The following SDHAF3 variants were observed in gnomAD, a reference collection of about 807,000 sequenced individuals.
The protein encoded by SDHAF3 is succinate dehydrogenase assembly factor 3, mitochondrial.
Under a neutral mutation model 11.5 loss-of-function variants are expected in SDHAF3, and 18 were observed. That is an observed-to-expected ratio of 1.56 (90% CI 1.08 to 2.32). SDHAF3 has a LOEUF of 2.32. Ranked by LOEUF, SDHAF3 falls within the 30% of genes most tolerant of loss-of-function variation. The pLI is 0.00. For missense variants in SDHAF3, 200 were observed against 154.4 expected, an observed-to-expected ratio of 1.30 and a Z score of -1.57; for synonymous variants, 72 against 59.3, an observed-to-expected ratio of 1.21 and a Z score of -0.99.
chr7:97,118,812 T>C (rs893253960), intron 1 of SDHAF3, among the ~76,000 whole-genome samples: 1 of 152,108 alleles, frequency 6.6e-6, no homozygotes, highest in Non-Finnish European at 1.5e-5. Context: ...ATGGTTAGGG[T>C]GAACACAAAC....
chr7:97,146,955 A>G (rs1383682796), intron 1 of SDHAF3, among the ~76,000 whole-genome samples: 2 of 151,948 alleles, frequency 1.3e-5, no homozygotes, highest in South Asian at 2.1e-4. Flanking sequence ...GTTAGCCAGG[A>G]TAGTCTTGAT....
chr7:97,163,089 G>C (rs986302846), intron 1 of SDHAF3, among the ~76,000 whole-genome samples: 1 of 151,028 alleles, frequency 6.6e-6, no homozygotes, highest in Non-Finnish European at 1.5e-5. Context: ...ATTTAAGATA[G>C]CTCTTCTTGC....
intron 1 of SDHAF3, among the ~76,000 whole-genome samples, chr7:97,174,394 G>A (rs192426235): frequency 1.3e-5 from 2 of 152,254 alleles, no homozygotes; most frequent in East Asian, 3.9e-4. Context: ...CTACAGTACT[G>A]TTATAGAAAC....
intron 1 of SDHAF3, among the ~76,000 whole-genome samples, chr7:97,152,904 C>A (rs1791367745): frequency 6.6e-6 from 1 of 152,094 alleles, no homozygotes; most frequent in Non-Finnish European, 1.5e-5. Context: ...GGTCTCCCGC[C>A]ATGCCCGCCA....
rs571386016 is a variant in SDHAF3, at chr7:97,123,592, A to G, written c.174+5695A>G. On this transcript the variant is annotated intron_variant, in intron 1 of 1. Transcript: ENST00000432641. ...CCACACTGTCTTCCACAATGGTTGA[A>G]GTAATTTACACTCCCACCAACAGTG... 3.9e-5 allele frequency among the ~76,000 whole-genome samples: 6 copies of G among 152,316 alleles called. No homozygotes were observed. The South Asian group carries it at 1.2e-3, about 32-fold the overall frequency.
intron 1 of SDHAF3, among the ~76,000 whole-genome samples, chr7:97,126,920 A>G (rs1028607165): frequency 6.6e-6 from 1 of 150,966 alleles, no homozygotes. Context: ...CTTGAAACCC[A>G]GGGCCTTGGT....
At chr7:97,164,147 T>C (rs1374587939) in intron 1 of SDHAF3, among the ~76,000 whole-genome samples, 1 of 151,486 alleles carries the variant, frequency 6.6e-6, no homozygotes, top group Non-Finnish European at 1.5e-5. Flanking sequence ...GGTTTCACCA[T>C]GTTGGCCAAG....
chr7:97,169,813 A>G (rs1017959335), intron 1 of SDHAF3, among the ~76,000 whole-genome samples: 11 of 152,050 alleles, frequency 7.2e-5, no homozygotes, highest in African/African-American at 9.7e-5. Flanking sequence ...TTTTTGTTCT[A>G]TTTTCTTAAC....
chr7:97,127,962 A>G (rs572467678), intron 1 of SDHAF3, among the ~76,000 whole-genome samples: 1 of 133,368 alleles, frequency 7.5e-6, no homozygotes, highest in Admixed American at 9.1e-5. Context: ...GTGCAGTGGC[A>G]CTGCGTCGGC....
intron 1 of SDHAF3, among the ~76,000 whole-genome samples, chr7:97,161,655 A>C (rs1378678785): frequency 6.6e-6 from 1 of 151,476 alleles, no homozygotes; most frequent in Non-Finnish European, 1.5e-5. Context: ...CTCCTTGTTC[A>C]TCTCCCACTT....
intron 1 of SDHAF3, among the ~76,000 whole-genome samples, chr7:97,178,838 A>T (rs1789728756): frequency 6.6e-6 from 1 of 152,102 alleles, no homozygotes; most frequent in Admixed American, 6.6e-5. Flanking sequence ...GAAGTATTTA[A>T]TTTTGATACT....
At chr7:97,141,206 T>C (rs1789032024) in intron 1 of SDHAF3, among the ~76,000 whole-genome samples, 1 of 152,198 alleles carries the variant, frequency 6.6e-6, no homozygotes, top group African/African-American at 2.4e-5. Flanking sequence ...TAAGATGTTA[T>C]CAATGACAAT....
chr7:97,159,343 T>C (rs554796090), intron 1 of SDHAF3, among the ~76,000 whole-genome samples: 3 of 152,316 alleles, frequency 2.0e-5, no homozygotes, highest in South Asian at 4.1e-4. Context: ...TCCAGAAATA[T>C]GTGGGTGCTT....
chr7:97,152,359 C>T (rs1328499032), intron 1 of SDHAF3, among the ~76,000 whole-genome samples: 1 of 152,088 alleles, frequency 6.6e-6, no homozygotes, highest in Non-Finnish European at 1.5e-5. Context: ...CAGGCATGGA[C>T]TAGGGAATGG....
chr7:97,154,099 T>G (rs1024291381), intron 1 of SDHAF3, among the ~76,000 whole-genome samples: 1 of 151,920 alleles, frequency 6.6e-6, no homozygotes, highest in Non-Finnish European at 1.5e-5. Context: ...GGAGCAATGT[T>G]TTGCAGGCAG....
intron 1 of SDHAF3, among the ~76,000 whole-genome samples, chr7:97,127,072 C>T (rs572089148): frequency 4.6e-5 from 7 of 152,192 alleles, no homozygotes; most frequent in South Asian, 2.1e-4. Flanking sequence ...CAACTCCTTG[C>T]GCTTCCTGGG....
At chr7:97,134,084 G>A (rs1791710829) in intron 1 of SDHAF3, among the ~76,000 whole-genome samples, 1 of 152,154 alleles carries the variant, frequency 6.6e-6, no homozygotes, top group African/African-American at 2.4e-5. Context: ...TTTTCATGCA[G>A]CTGACTCCCT....
At chr7:97,178,170 T>C (rs1789713714) in intron 1 of SDHAF3, among the ~76,000 whole-genome samples, 1 of 152,224 alleles carries the variant, frequency 6.6e-6, no homozygotes. Flanking sequence ...TCTTTTTATG[T>C]TTGGCTTCTT....
At chr7:97,161,634 G>A (rs1342238029) in intron 1 of SDHAF3, among the ~76,000 whole-genome samples, 2 of 151,938 alleles carry the variant, frequency 1.3e-5, no homozygotes, top group Non-Finnish European at 2.9e-5. Context: ...CCCTCCCTGT[G>A]TACATATATT....
Sources: gnomAD v4.1 joint callset for allele counts (sites outside exome capture counted in the v4.1 genomes callset) on GRCh38, gnomAD v4.1.1 for gene constraint, MANE v1.5 for transcripts, NCBI Gene and HGNC (gene_info 2026-07-23, HGNC 2026-07-21) for gene names.